Variants in ZNF644 observed in about 807,000 individuals in gnomAD.
The protein encoded by ZNF644 is zinc finger motif enhancer binding protein 2.
A neutral mutation model predicts 108.0 loss-of-function variants in ZNF644; 20 were observed. That is an observed-to-expected ratio of 0.19 (90% confidence interval 0.13 to 0.27). The LOEUF (loss-of-function observed/expected upper bound fraction) is 0.27, where lower values mean the gene tolerates loss of function less well. Ranked by LOEUF, ZNF644 falls within the 10% of genes least tolerant of loss-of-function variation. ZNF644 has a pLI of 1.00. For synonymous variants in ZNF644, 542 were observed against 539.1 expected, an observed-to-expected ratio of 1.01 and a Z score of -0.08; for missense variants, 1,338 against 1,548.9, an observed-to-expected ratio of 0.86 and a Z score of 2.29.
intron 2 of ZNF644, among the ~76,000 whole-genome samples, chr1:90,963,093 CAAAAGG>C (rs897553999): frequency 8.6e-5 from 13 of 151,912 alleles, no homozygotes; most frequent in Middle Eastern, 6.8e-3. Context: ...CTCCTAAAAA[CAAAAGG>C]AAAAGTACAG....
At chr1:90,928,390 T>A (rs1484254298) in intron 4 of ZNF644, among the ~76,000 whole-genome samples, 2 of 148,978 alleles carry the variant, frequency 1.3e-5, no homozygotes, top group African/African-American at 2.5e-5. Context: ...CAATCTCGGC[T>A]CACTGCAACC....
chr1:90,935,191 C>T (rs1423364855), intron 4 of ZNF644, among the ~76,000 whole-genome samples: 1 of 152,086 alleles, frequency 6.6e-6, no homozygotes, highest in African/African-American at 2.4e-5. Flanking sequence ...AATTTTTTTT[C>T]CCCCAAATTA....
chr1:90,961,389 A>G (rs1654327727), intron 2 of ZNF644, among the ~76,000 whole-genome samples: 1 of 152,178 alleles, frequency 6.6e-6, no homozygotes, highest in Non-Finnish European at 1.5e-5. Flanking sequence ...ATGAGGTCTG[A>G]AAAGTGTGAG....
chr1:91,018,019 C>G (rs994438091), intron 1 of ZNF644, among the ~76,000 whole-genome samples: 1 of 152,070 alleles, frequency 6.6e-6, no homozygotes, highest in African/African-American at 2.4e-5. Context: ...CTTGGCAGAT[C>G]TGCAAAAAAA....
At chr1:91,021,660 C>G (rs1347496147) in intron 1 of ZNF644, 2 of 89,374 alleles carry the variant, frequency 2.2e-5, no homozygotes, top group South Asian at 3.7e-4. Flanking sequence ...CCCGCCGAGT[C>G]CCGCCCCGCG....
At chr1:90,918,943 T>C (rs927581732) in intron 4 of ZNF644, among the ~76,000 whole-genome samples, 1 of 152,048 alleles carries the variant, frequency 6.6e-6, no homozygotes, top group African/African-American at 2.4e-5. Flanking sequence ...TTTTACATTT[T>C]CTCCAACTGC....
chr1:91,007,220 A>ATTTTTTTTTTTTTTTTTTTTTT (rs1557658483), intron 1 of ZNF644, among the ~76,000 whole-genome samples: 2 of 30,276 alleles, frequency 6.6e-5, no homozygotes. Context: ...ATTTTCTCCC[A>ATTTTTTTTTTTTTTTTTTTTTT]TTTTGTTTTT....
At chr1:90,947,692 T>G (rs1553150916) in intron 2 of ZNF644, among the ~76,000 whole-genome samples, 1 of 152,114 alleles carries the variant, frequency 6.6e-6, no homozygotes, top group Non-Finnish European at 1.5e-5. Flanking sequence ...GTCCTAGGAA[T>G]ACAAAGCATA....
Position 90,940,247 on chromosome 1 carries a change from C to T in ZNF644, c.1107G>A (p.Lys369=), listed in dbSNP as rs542603750. The T allele has an allele frequency of 5.0e-6, 8 of 1,614,006 alleles. No homozygotes were observed. The highest frequency in any genetic ancestry group is 3.3e-5 in the Admixed American group (2 of 60,006). The change falls in exon 3 of 6, where the codon AAG becomes AAA. Residue 369 remains lysine (K), a synonymous_variant. Coordinates refer to ENST00000337393, the MANE Select transcript of ZNF644 (RefSeq NM_201269.3). ...AFQHLIYNPD[K]CGEESSPVHT... The stretch of plus-strand genomic sequence containing the variant: ...GAACAGGTGAACTCTCTTCTCCACA[C>T]TTATCTGGGTTATAAATTAGATGTT...
chr1:90,998,196 T>C (rs1015225952), intron 1 of ZNF644, among the ~76,000 whole-genome samples: 2 of 151,904 alleles, frequency 1.3e-5, no homozygotes, highest in Non-Finnish European at 2.9e-5. Context: ...TTGAAGCGAG[T>C]AGTGGTTCTC....
At position 90,982,295 on chromosome 1, in the gene ZNF644, C is replaced by T. The variant is rs1656629159; in HGVS notation, c.44+15G>A. ...ACCTTGATATGTACATTTAACAAAG[C>T]AGTCTTCTACTTACCTAGATTTTGT... On this transcript the variant is annotated intron_variant, in intron 2 of 5. Transcript: ENST00000337393. 5.6e-6 allele frequency: 9 copies of T among 1,601,174 alleles called. No individual in the cohort carries two copies. Among genetic ancestry groups the T allele is most frequent in the Admixed American group, 3.3e-5 (2 of 59,968 alleles).
At chr1:90,941,501 G>A (rs111368228) in intron 2 of ZNF644, among the ~76,000 whole-genome samples, 192 bp from the exon 3 acceptor site, 21 of 152,168 alleles carry the variant, frequency 1.4e-4, no homozygotes, top group African/African-American at 5.1e-4. Context: ...GGTTAATATT[G>A]TTCTTCATGC....
chr1:90,987,246 GTTTTTTTTTT>G (rs55996875), intron 1 of ZNF644, among the ~76,000 whole-genome samples: 1 of 121,126 alleles, frequency 8.3e-6, no homozygotes, highest in Non-Finnish European at 1.7e-5. Context: ...CCTAGAGTTG[GTTTTTTTTTT>G]TTTTTTTTTT....
At chr1:91,010,915 T>A (rs929348590) in intron 1 of ZNF644, among the ~76,000 whole-genome samples, 1 of 152,146 alleles carries the variant, frequency 6.6e-6, no homozygotes, top group African/African-American at 2.4e-5. Flanking sequence ...AAAACTAAAT[T>A]CAAACATAAC....
chr1:90,982,230 A>C lies in ZNF644; in HGVS notation c.44+80T>G, dbSNP rs1039949838. ...TAAAAACTCTTTGGTTCTGAACTCA[A>C]CACCACATTTTTAAGACATAATTTT... is the stretch of plus-strand genomic sequence containing the variant. On this transcript the variant is annotated intron_variant, in intron 2 of 5. Transcript: ENST00000337393. 8 of 1,218,730 alleles carry C rather than the reference A, an allele frequency of 6.6e-6. No homozygotes were observed. The Admixed American group carries it at 8.6e-5, about 13-fold the overall frequency. The allele number at this position is 1,218,730 out of a possible 1,614,324, so 75.5% of individuals were successfully genotyped here.
At chr1:90,946,381 A>G (rs939635929) in intron 2 of ZNF644, among the ~76,000 whole-genome samples, 8 of 152,122 alleles carry the variant, frequency 5.3e-5, no homozygotes, top group Non-Finnish European at 8.8e-5. Flanking sequence ...TCAGAAGGTT[A>G]GACTGCTTAC....
At chr1:91,021,084 TC>T (rs1660862115) in intron 1 of ZNF644, 1 of 152,170 alleles carries the variant, frequency 6.6e-6, no homozygotes, top group Non-Finnish European at 1.5e-5. Flanking sequence ...CACCTAAGTT[TC>T]CAATCACTGA....
intron 4 of ZNF644, among the ~76,000 whole-genome samples, chr1:90,927,504 G>A (rs1650185581): frequency 1.3e-5 from 2 of 152,072 alleles, no homozygotes; most frequent in South Asian, 4.2e-4. Context: ...CAACATTTTG[G>A]AGCAATAACC....
At chr1:90,977,415 A>T (rs1047655203) in intron 2 of ZNF644, among the ~76,000 whole-genome samples, 1 of 152,218 alleles carries the variant, frequency 6.6e-6, no homozygotes, top group African/African-American at 2.4e-5. Flanking sequence ...AAGGTATGTT[A>T]ATTGATGGAA....
Sources: gnomAD v4.1 joint callset for allele counts (sites outside exome capture counted in the v4.1 genomes callset) on GRCh38, gnomAD v4.1.1 for gene constraint, MANE v1.5 for transcripts, NCBI Gene and HGNC (gene_info 2026-07-23, HGNC 2026-07-21) for gene names.